Variants in CFAP20DC observed in about 807,000 individuals in gnomAD.
CFAP20DC encodes the protein CFAP20 domain containing.
Under a neutral mutation model 101.7 loss-of-function variants are expected in CFAP20DC, and 84 were observed. That is an observed-to-expected ratio of 0.83 (90% CI 0.69 to 0.99). The LOEUF (loss-of-function observed/expected upper bound fraction) is 0.99. CFAP20DC is among the 50% of genes least tolerant of loss of function. The pLI is 0.00. For missense variants in CFAP20DC, 1,007 were observed against 970.3 expected, an observed-to-expected ratio of 1.04 and a Z score of -0.50; for synonymous variants, 359 against 351.2, an observed-to-expected ratio of 1.02 and a Z score of -0.25.
chr3:58,865,567 C>T (rs2079617864), intron 11 of CFAP20DC, among the ~76,000 whole-genome samples: 2 of 152,166 alleles, frequency 1.3e-5, no homozygotes, highest in Admixed American at 1.3e-4. Context: ...AGCTTTGGGC[C>T]AGTGAACTCA....
intron 13 of CFAP20DC, among the ~76,000 whole-genome samples, chr3:58,842,668 C>G (rs1310027599): frequency 6.6e-6 from 1 of 152,226 alleles, no homozygotes; most frequent in African/African-American, 2.4e-5. Context: ...CGCCACAGCT[C>G]AAGGAGGCCT....
intron 13 of CFAP20DC, among the ~76,000 whole-genome samples, chr3:58,846,736 G>C (rs1408639209): frequency 6.7e-6 from 1 of 148,920 alleles, no homozygotes; most frequent in African/African-American, 2.5e-5. Context: ...AACAAAGCTG[G>C]AGGCATCACA....
At chr3:59,046,026 A>C (rs925422020) in intron 3 of CFAP20DC, among the ~76,000 whole-genome samples, 4 of 152,152 alleles carry the variant, frequency 2.6e-5, no homozygotes, top group African/African-American at 9.7e-5. Flanking sequence ...AGATTTCTAG[A>C]AGATGGTGAG....
intron 16 of CFAP20DC, among the ~76,000 whole-genome samples, chr3:58,746,037 T>C (rs762954527): frequency 3.9e-5 from 6 of 152,178 alleles, no homozygotes; most frequent in Non-Finnish European, 7.3e-5. Flanking sequence ...AAAAGGGTTA[T>C]GTACGTTTAT....
At chr3:58,746,925 A>C (rs1383259173) in intron 16 of CFAP20DC, among the ~76,000 whole-genome samples, 1 of 152,168 alleles carries the variant, frequency 6.6e-6, no homozygotes, top group Non-Finnish European at 1.5e-5. Context: ...TCATTACGCA[A>C]TTACCACTAT....
rs28693937 is a variant in CFAP20DC, at chr3:58,849,881, C to A, written c.1594-472G>T. 9.7e-3 allele frequency among the ~76,000 whole-genome samples: 1,472 copies of A among 152,220 alleles called. 25 individuals carry two copies. Among genetic ancestry groups the A allele is most frequent in the African/African-American group, 0.033 (1,386 of 41,536 alleles). On this transcript the variant is annotated intron_variant, in intron 12 of 16. Coordinates refer to ENST00000482387, the MANE Select transcript of CFAP20DC (RefSeq NM_001394063.1). ...ATAAATACAAGTGGGTCTAGGGAAG[C>A]ATTTTTACCTTATTGTAGGGCAGTT...
chr3:58,997,174 A>G (rs954869413), intron 4 of CFAP20DC, among the ~76,000 whole-genome samples: 1 of 152,196 alleles, frequency 6.6e-6, no homozygotes, highest in African/African-American at 2.4e-5. Flanking sequence ...CAGATGTATT[A>G]TTTTGTTATT....
chr3:58,890,434 G>C (rs1039700823), intron 6 of CFAP20DC, among the ~76,000 whole-genome samples: 1 of 143,686 alleles, frequency 7.0e-6, no homozygotes, highest in Non-Finnish European at 1.5e-5. Context: ...CCGGGCGGGG[G>C]GGCTGACCCC....
chr3:58,737,631 G>A (rs1057447660), downstream of CFAP20DC, among the ~76,000 whole-genome samples: 1 of 152,166 alleles, frequency 6.6e-6, no homozygotes, highest in Non-Finnish European at 1.5e-5. This position sits in a 1 kb window ranked among gnomAD's most constrained non-coding sequence, Gnocchi z 4.1. Flanking sequence ...CACTAGTCCA[G>A]TATTTTCCAC....
chr3:58,768,276 C>T (rs1188041924), intron 15 of CFAP20DC, among the ~76,000 whole-genome samples: 5 of 152,166 alleles, frequency 3.3e-5, no homozygotes, highest in Admixed American at 1.3e-4. Context: ...CTGGTGATCC[C>T]ATTTCCTGTC....
Position 58,859,905 on chromosome 3 carries a change from G to A in CFAP20DC, c.1593+3653C>T, listed in dbSNP as rs1436183456. 2.6e-5 allele frequency among the ~76,000 whole-genome samples: 4 copies of A among 152,194 alleles called. No homozygotes were observed. The highest frequency in any genetic ancestry group is 9.6e-5 in the African/African-American group (4 of 41,520). On this transcript the variant is annotated intron_variant, in intron 12 of 16. Transcript: ENST00000482387. The surrounding 1 kb of genome is among the most constrained non-coding windows in gnomAD (Gnocchi z 4.1). The stretch of plus-strand genomic sequence containing the variant: ...ATTAAAAATCATTACTTGGCCAGGC[G>A]CGATGGCTCATGCCTGTAATCCCAG...
intron 15 of CFAP20DC, among the ~76,000 whole-genome samples, chr3:58,769,215 C>T (rs777892586): frequency 6.6e-6 from 1 of 152,118 alleles, no homozygotes; most frequent in South Asian, 2.1e-4. Context: ...CTTCTCCCTC[C>T]TCCTCTGATC....
chr3:58,723,333 C>T (rs918852383), intron 3 of CFAP20DC, among the ~76,000 whole-genome samples: 3 of 152,118 alleles, frequency 2.0e-5, no homozygotes, highest in Non-Finnish European at 4.4e-5. Context: ...ATAAACAAAA[C>T]GTATAGTCAT....
intron 13 of CFAP20DC, among the ~76,000 whole-genome samples, chr3:58,845,143 G>A (rs1213517575): frequency 2.7e-5 from 4 of 150,784 alleles, no homozygotes; most frequent in Non-Finnish European, 5.9e-5. Flanking sequence ...GCTAGCAGAA[G>A]GCGAGAAATA....
At chr3:59,027,047 G>T (rs779521051) in intron 4 of CFAP20DC, among the ~76,000 whole-genome samples, 1 of 152,094 alleles carries the variant, frequency 6.6e-6, no homozygotes, top group Non-Finnish European at 1.5e-5. Context: ...GTGAGGAAAC[G>T]GAAACACCAA....
At chr3:58,793,637 T>G (rs770945738) in intron 15 of CFAP20DC, among the ~76,000 whole-genome samples, 1 of 152,152 alleles carries the variant, frequency 6.6e-6, no homozygotes, top group Non-Finnish European at 1.5e-5. Context: ...ATGTATAGAT[T>G]CTCACCCCCT....
intron 4 of CFAP20DC, among the ~76,000 whole-genome samples, chr3:58,946,066 A>G (rs563086742): frequency 1.4e-5 from 2 of 147,628 alleles, no homozygotes; most frequent in East Asian, 4.0e-4. Flanking sequence ...AGTTCAGGTC[A>G]TTTGTTGCTT....
chr3:58,974,385 C>T (rs2092146301), intron 4 of CFAP20DC, among the ~76,000 whole-genome samples: 1 of 152,098 alleles, frequency 6.6e-6, no homozygotes, highest in African/African-American at 2.4e-5. Context: ...GGTGTTAATT[C>T]ACTTAGGAAA....
chr3:59,017,713 T>C (rs1419337510), intron 4 of CFAP20DC: 1 of 152,114 alleles, frequency 6.6e-6, no homozygotes, highest in Non-Finnish European at 1.5e-5. Context: ...GTTAGGACTC[T>C]TTTATGTCAA....
Sources: gnomAD v4.1 joint callset for allele counts (sites outside exome capture counted in the v4.1 genomes callset) on GRCh38, gnomAD v4.1.1 for gene constraint, Gnocchi (gnomAD v3.1) non-coding constraint, MANE v1.5 for transcripts, NCBI Gene and HGNC (gene_info 2026-07-23, HGNC 2026-07-21) for gene names.